Variants in OCA2 observed in about 807,000 individuals in gnomAD.
The protein encoded by OCA2 is OCA2 melanosomal transmembrane protein, also known as P protein.
OCA2 carries 77 observed loss-of-function variants against 100.2 expected under a neutral mutation model. The observed-to-expected ratio is 0.77, with a 90% CI of 0.64 to 0.93. OCA2 has a LOEUF of 0.93. OCA2 is among the 40% of genes least tolerant of loss of function. OCA2 has a pLI of 0.00. For missense variants in OCA2, 1,062 were observed against 1,089.1 expected, an observed-to-expected ratio of 0.98 and a Z score of 0.35; for synonymous variants, 432 against 439.2, an observed-to-expected ratio of 0.98 and a Z score of 0.21.
intron 19 of OCA2, among the ~76,000 whole-genome samples, chr15:27,913,881 A>AAGAAAGAAAGAAAG (rs2038528445): frequency 1.7e-5 from 1 of 57,710 alleles, no homozygotes; most frequent in African/African-American, 8.2e-5. Flanking sequence ...GAAAGAAAGA[A>AAGAAAGAAAGAAAG]AGAAAGAAAG....
chr15:27,900,086 C>T (rs577728349), intron 19 of OCA2, among the ~76,000 whole-genome samples: 119 of 152,076 alleles, frequency 7.8e-4, no homozygotes, highest in African/African-American at 2.1e-3. Context: ...CCATGGTGAC[C>T]GTGCAGTCAA....
intron 14 of OCA2, 137 bp downstream of exon 14, chr15:27,983,208 G>T: frequency 3.8e-6 from 4 of 1,041,922 alleles, no homozygotes; most frequent in Non-Finnish European, 5.9e-6. Context: ...TCCCAGTCTT[G>T]AGATGCCCAG....
the OCA2 span, among the ~76,000 whole-genome samples, chr15:27,733,075 T>A: frequency 6.6e-6 from 1 of 152,208 alleles, no homozygotes; most frequent in Non-Finnish European, 1.5e-5. Context: ...TCGTCTCTCA[T>A]GAAAGGCTGG....
chr15:28,087,660 T>A (rs1488300640), intron 1 of OCA2, among the ~76,000 whole-genome samples: 3 of 152,118 alleles, frequency 2.0e-5, no homozygotes, highest in African/African-American at 7.2e-5. Flanking sequence ...GGTAGGAGAA[T>A]CACCTGAGCC....
At chr15:27,844,877 C>T (rs2035473514) in intron 23 of OCA2, 82 bp downstream of exon 23, 1 of 989,284 alleles carries the variant, frequency 1.0e-6, no homozygotes, top group Non-Finnish European at 1.6e-6. Flanking sequence ...CTTATTTTAG[C>T]ATTTAATGTG....
chr15:27,827,184 G>A (rs6497241), intron 23 of OCA2, among the ~76,000 whole-genome samples: 76,860 of 152,122 alleles, frequency 0.51, 20,027 homozygotes, highest in South Asian at 0.76. Flanking sequence ...ACAGGAAGCC[G>A]GCACATCTGA....
intron 18 of OCA2, among the ~76,000 whole-genome samples, chr15:27,927,017 C>T (rs1485939474): frequency 2.0e-5 from 3 of 152,142 alleles, no homozygotes; most frequent in Non-Finnish European, 1.5e-5. Flanking sequence ...TGGCCGGGCC[C>T]GATGGCTCAC....
intron 23 of OCA2, among the ~76,000 whole-genome samples, chr15:27,809,655 A>G (rs894433805): frequency 6.6e-6 from 1 of 152,242 alleles, no homozygotes; most frequent in African/African-American, 2.4e-5. Flanking sequence ...AGATTTGACA[A>G]ACTTTCAATA....
intron 19 of OCA2, among the ~76,000 whole-genome samples, chr15:27,887,061 C>T (rs1452875762): frequency 5.3e-5 from 8 of 152,134 alleles, no homozygotes; most frequent in East Asian, 1.9e-4. Flanking sequence ...GGTTTTAAAA[C>T]GGGAGTTTCC....
intron 23 of OCA2, among the ~76,000 whole-genome samples, chr15:27,843,831 G>C (rs2035432111): frequency 6.6e-6 from 1 of 152,162 alleles, no homozygotes; most frequent in African/African-American, 2.4e-5. Context: ...CCAGGGTTCT[G>C]TTCCCAAGCC....
chr15:27,913,884 AAAGAAAGAAAGCAAGC>A lies in OCA2; in HGVS notation c.2079+12227_2079+12242del, dbSNP rs1470055812. Among the ~76,000 whole-genome samples, 57 of 64,032 alleles carry A rather than the reference AAAGAAAGAAAGCAAGC, an allele frequency of 8.9e-4. 1 individual carries two copies. Among genetic ancestry groups the A allele is most frequent in the Non-Finnish European group, 1.1e-3 (40 of 34,974 alleles). 42.0% of individuals were successfully genotyped at this position (64,032 alleles called of 152,430 possible). A position where few individuals can be genotyped will look rare whatever the true frequency, so the allele number is the denominator to read the frequency against. ...GAAAGAAAGAAAGAAAGAAAGAAAGAAAGAAAGAAAGCAAGCAAGCAAGCAAGCAAGCAAGCAAGCA... is the reference window on the plus strand; with the variant it reads ...GAAAGAAAGAAAGAAAGAAAGAAAGAAAGCAAGCAAGCAAGCAAGCAAGCA... On this transcript the variant is annotated intron_variant, in intron 19 of 23. Transcript: ENST00000354638.
intron 23 of OCA2, among the ~76,000 whole-genome samples, chr15:27,774,500 G>A (rs2032077004): frequency 6.6e-6 from 1 of 152,216 alleles, no homozygotes; most frequent in Non-Finnish European, 1.5e-5. Flanking sequence ...CAGCTTCTTG[G>A]TGTAGACCAT....
At chr15:27,906,670 C>T (rs2038190568) in intron 19 of OCA2, among the ~76,000 whole-genome samples, 1 of 151,872 alleles carries the variant, frequency 6.6e-6, no homozygotes, top group African/African-American at 2.4e-5. Context: ...ATCAGACTGA[C>T]ATCAGGTCTT....
chr15:27,824,617 TATATAATATA>T (rs1555412067), intron 23 of OCA2, among the ~76,000 whole-genome samples: 2 of 130,130 alleles, frequency 1.5e-5, no homozygotes, highest in Non-Finnish European at 3.1e-5. Flanking sequence ...TATATATATA[TATATAATATA>T]ATATATATAT....
Position 27,990,540 on chromosome 15 carries a change from A to G in OCA2, c.1116+36T>C, listed in dbSNP as rs752506373. The G allele has an allele frequency of 2.4e-5, 38 of 1,598,224 alleles. 1 individual carries two copies. The South Asian group carries it at 3.4e-4, about 14-fold the overall frequency. ...ACATCTTTGAGCTGACATCCCACTG[A>G]GTGGTAAGCCAGGGATTGGGACTGT... On this transcript the variant is annotated intron_variant, in intron 10 of 23. Coordinates refer to ENST00000354638, the MANE Select transcript of OCA2 (RefSeq NM_000275.3).
intron 2 of OCA2, among the ~76,000 whole-genome samples, chr15:28,064,855 G>GTT (rs35379533): frequency 2.8e-5 from 4 of 144,748 alleles, no homozygotes; most frequent in East Asian, 2.0e-4. Context: ...ATGTCTTGGG[G>GTT]TTTTTTTTTT....
intron 18 of OCA2, among the ~76,000 whole-genome samples, chr15:27,937,754 G>A (rs1454202681): frequency 1.3e-5 from 2 of 151,968 alleles, no homozygotes; most frequent in African/African-American, 2.4e-5. Flanking sequence ...TTTCTATTGG[G>A]GGGTTCTGTC....
At chr15:28,011,845 G>T (rs1026801740) in intron 9 of OCA2, among the ~76,000 whole-genome samples, 2 of 151,428 alleles carry the variant, frequency 1.3e-5, no homozygotes, top group African/African-American at 4.9e-5. Flanking sequence ...TCGAACCCAG[G>T]AGATGGTGTT....
chr15:28,069,619 G>A (rs1274146364), intron 2 of OCA2, among the ~76,000 whole-genome samples: 1 of 144,082 alleles, frequency 6.9e-6, no homozygotes, highest in Non-Finnish European at 1.5e-5. Flanking sequence ...GGCCGGGCCG[G>A]TCTCCAGCCC....
Sources: allele counts gnomAD v4.1 joint callset (sites outside exome capture counted in the v4.1 genomes callset), GRCh38; gene constraint gnomAD v4.1.1; transcripts MANE v1.5; gene names NCBI Gene and HGNC (gene_info 2026-07-23, HGNC 2026-07-21).